Variants in CDK5RAP2 observed in about 807,000 individuals in gnomAD.
CDK5RAP2 encodes CDK5 regulatory subunit associated protein 2, also known as CDK5 regulatory subunit-associated protein 2.
CDK5RAP2 carries 147 observed loss-of-function variants against 232.9 expected under a neutral mutation model. That is an observed-to-expected ratio of 0.63 (90% CI 0.55 to 0.72). The LOEUF is 0.72. Ranked by LOEUF, CDK5RAP2 falls within the 30% of genes least tolerant of loss-of-function variation. The pLI, the probability that CDK5RAP2 is intolerant of heterozygous loss-of-function variation, is 0.00. For missense variants in CDK5RAP2, 2,195 were observed against 2,231.5 expected, an observed-to-expected ratio of 0.98 and a Z score of 0.33; for synonymous variants, 833 against 833.7, an observed-to-expected ratio of 1.00 and a Z score of 0.01.
intron 25 of CDK5RAP2, among the ~76,000 whole-genome samples, chr9:120,437,065 G>A (rs79870582): frequency 0.021 from 3,210 of 152,202 alleles, 54 homozygotes; most frequent in East Asian, 0.041. Context: ...TCACCAGCCC[G>A]GCCCCTGAGG....
At chr9:120,486,149 C>T (rs2038589437) in intron 14 of CDK5RAP2, among the ~76,000 whole-genome samples, 1 of 152,128 alleles carries the variant, frequency 6.6e-6, no homozygotes, top group Admixed American at 6.5e-5. Flanking sequence ...CTAGGGACCT[C>T]CCCATGAGGT....
intron 14 of CDK5RAP2, among the ~76,000 whole-genome samples, chr9:120,484,887 A>AT (rs2038512441): frequency 6.7e-6 from 1 of 149,234 alleles, no homozygotes; most frequent in African/African-American, 2.6e-5. Context: ...CCTAATTTTA[A>AT]TATTTTTTTT....
At chr9:120,435,050 GA>G (rs1213181043) in intron 25 of CDK5RAP2, among the ~76,000 whole-genome samples, 1 of 152,010 alleles carries the variant, frequency 6.6e-6, no homozygotes, top group Non-Finnish European at 1.5e-5. Context: ...AAATAGGGTA[GA>G]AAACTCTAAA....
chr9:120,409,281 G>T lies in CDK5RAP2; in HGVS notation c.4450C>A (p.Leu1484Ile). ...TCCAGGCTCACGGTCTTCCTGGAGA[G>T]GGACTCTCGTAATTTGTCATTCTCC... ...QKENDKLRES[L>I]SRKTVSLEHL... is the part of the protein sequence containing the mutation. Residue 1484 changes from leucine to isoleucine, a missense_variant, in exon 30 of 38, where the codon CTC becomes ATC. Transcript: ENST00000349780. 1 of 1,610,780 alleles carries T rather than the reference G, an allele frequency of 6.2e-7. No individual in the cohort carries two copies. Among genetic ancestry groups the T allele is most frequent in the Middle Eastern group, 1.7e-4 (1 of 6,058 alleles).
intron 15 of CDK5RAP2, among the ~76,000 whole-genome samples, chr9:120,472,867 T>C (rs955039831): frequency 6.6e-6 from 1 of 152,266 alleles, no homozygotes; most frequent in African/African-American, 2.4e-5. Context: ...AATGTGTCTA[T>C]TGAGCACTTG....
chr9:120,395,901 G>T (rs986497954), intron 35 of CDK5RAP2, among the ~76,000 whole-genome samples: 3 of 152,330 alleles, frequency 2.0e-5, no homozygotes, highest in Admixed American at 1.3e-4. Flanking sequence ...CAGTCTAGAA[G>T]AATTCTATAT....
At chr9:120,527,763 A>C in intron 10 of CDK5RAP2, 43 bp downstream of exon 10, 1 of 1,607,924 alleles carries the variant, frequency 6.2e-7, no homozygotes, top group Non-Finnish European at 8.5e-7. Context: ...CCAGTCATAG[A>C]AGCTAATAAA....
rs984902970 is a variant in CDK5RAP2 at position 120,530,125 on chromosome 9, C to T, written c.678G>A (p.Leu226=). The change falls in exon 8 of 38, where the codon TTG becomes TTA. Residue 226 remains leucine, a synonymous_variant. Transcript: ENST00000349780. The part of the protein sequence containing the change: ...LDEKDRLIEE[L]KLSLKSKEAL... ...CTTCTTTGCTCTTCAAAGACAGCTTCAACTCCTCAATCAGTCTAAAAGAGA... is the reference window on the plus strand; with the variant it reads ...CTTCTTTGCTCTTCAAAGACAGCTTTAACTCCTCAATCAGTCTAAAAGAGA... 4 of 1,613,240 alleles carry T rather than the reference C, an allele frequency of 2.5e-6. No homozygotes were observed. The highest frequency in any genetic ancestry group is 3.4e-6 in the Non-Finnish European group (4 of 1,179,618).
At chr9:120,427,132 C>G (rs1332634512) in intron 25 of CDK5RAP2, among the ~76,000 whole-genome samples, 1 of 152,158 alleles carries the variant, frequency 6.6e-6, no homozygotes, top group Non-Finnish European at 1.5e-5. Flanking sequence ...TCAGGAGTGT[C>G]TATTGGGTTT....
chr9:120,453,840 A>G lies in CDK5RAP2; in HGVS notation c.2409T>C (p.Leu803=), dbSNP rs1471967469. 1 of 1,614,194 alleles carries G rather than the reference A, an allele frequency of 6.2e-7. No individual in the cohort carries two copies. Among genetic ancestry groups the G allele is most frequent in the Non-Finnish European group, 8.5e-7 (1 of 1,180,020 alleles). Residue 803 remains leucine, a synonymous_variant, in exon 21 of 38, where the codon CTT becomes CTC. Coordinates refer to ENST00000349780, the MANE Select transcript of CDK5RAP2 (RefSeq NM_018249.6). ...PDLLKVVREL[L]LGQLFLTEQE... ...GCTCTGTCAAGAATAGTTGTCCCAG[A>G]AGCAGTTCCCGTACCACTTTCAGAA...
At chr9:120,470,997 T>C (rs1017463172) in intron 16 of CDK5RAP2, among the ~76,000 whole-genome samples, 5 of 152,226 alleles carry the variant, frequency 3.3e-5, no homozygotes, top group African/African-American at 1.2e-4. Flanking sequence ...TCTTGGTTTC[T>C]TCATCTGTAA....
At position 120,505,075 on chromosome 9, in the gene CDK5RAP2, T is replaced by C. The variant is rs550032888; in HGVS notation, c.1311+13352A>G. Among the ~76,000 whole-genome samples the C allele has an allele frequency of 2.0e-4, 30 of 152,342 alleles. 1 individual carries two copies. The South Asian group carries it at 5.8e-3, about 29-fold the overall frequency. On this transcript the variant is annotated intron_variant, in intron 12 of 37. Coordinates refer to ENST00000349780, the MANE Select transcript of CDK5RAP2 (RefSeq NM_018249.6). ...GCAGGTACAGGCATAGCTCATTTCA[T>C]TGTGCTCTGCTCTACTGCACTTCAC...
chr9:120,538,444 C>G (rs897005815), intron 6 of CDK5RAP2, among the ~76,000 whole-genome samples: 1 of 152,130 alleles, frequency 6.6e-6, no homozygotes. Context: ...ACTCCCATCA[C>G]AGTGACAGGA....
chr9:120,578,265 CA>C (rs922984145), intron 1 of CDK5RAP2, among the ~76,000 whole-genome samples: 1 of 151,688 alleles, frequency 6.6e-6, no homozygotes, highest in African/African-American at 2.4e-5. Context: ...GACTCCGTCT[CA>C]AAAAAATAAA....
chr9:120,558,371 CAAAAA>C (rs60669308), intron 3 of CDK5RAP2, among the ~76,000 whole-genome samples: 14 of 40,074 alleles, frequency 3.5e-4, no homozygotes, highest in Non-Finnish European at 5.3e-4. Flanking sequence ...GACTCCGTCT[CAAAAA>C]AAAAAAAAAA....
intron 21 of CDK5RAP2, 127 bp downstream of exon 21, chr9:120,453,329 G>A (rs1410804932): frequency 2.4e-6 from 2 of 845,368 alleles, no homozygotes; most frequent in East Asian, 5.3e-5. Flanking sequence ...CAGGGTAAGT[G>A]CAAGCAGAGG....
rs1317272139 is a variant in CDK5RAP2 at position 120,389,876 on chromosome 9, C to A, written c.5579-89G>T. On this transcript the variant is annotated intron_variant, in intron 36 of 37. Transcript: ENST00000349780. Reference sequence around the variant, plus strand: ...CCAAGTGCAGGGAGGATGAACCCCACCCCAAAGGGCTCGGACATGTAGACA... The same window carrying A: ...CCAAGTGCAGGGAGGATGAACCCCAACCCAAAGGGCTCGGACATGTAGACA... The A allele has an allele frequency of 2.5e-6, 3 of 1,186,214 alleles. No individual in the cohort carries two copies. In the African/African-American group the frequency reaches 4.5e-5, roughly 18 times the overall value. 73.5% of individuals were successfully genotyped at this position (1,186,214 alleles called of 1,614,324 possible).
At chr9:120,451,681 T>C (rs533311710) in intron 21 of CDK5RAP2, among the ~76,000 whole-genome samples, 85 of 152,162 alleles carry the variant, frequency 5.6e-4, no homozygotes, top group Non-Finnish European at 8.7e-4. Context: ...GTTTATAATA[T>C]CCCTGTCTGC....
chr9:120,399,685 T>C (rs1414959644), intron 35 of CDK5RAP2, among the ~76,000 whole-genome samples: 1 of 152,196 alleles, frequency 6.6e-6, no homozygotes, highest in Non-Finnish European at 1.5e-5. Context: ...GAAAGACCAA[T>C]GTGGGGCTGG....
Sources: gnomAD v4.1 joint callset for allele counts (sites outside exome capture counted in the v4.1 genomes callset) on GRCh38, gnomAD v4.1.1 for gene constraint, MANE v1.5 for transcripts, NCBI Gene and HGNC (gene_info 2026-07-23, HGNC 2026-07-21) for gene names.